The following SND1 variants were observed in gnomAD, a reference collection of about 807,000 sequenced individuals.
SND1 encodes the protein staphylococcal nuclease and tudor domain containing 1.
In SND1, 38 loss-of-function variants were observed where a neutral mutation model predicts 121.7. That is an observed-to-expected ratio of 0.31 (90% CI 0.24 to 0.41). The LOEUF is 0.41. SND1 is among the 10% of genes least tolerant of loss of function. The pLI is 1.00. For synonymous variants in SND1, 401 were observed against 447.4 expected, an observed-to-expected ratio of 0.90 and a Z score of 1.31; for missense variants, 868 against 1,184.6, an observed-to-expected ratio of 0.73 and a Z score of 3.92.
At chr7:128,026,961 A>G (rs1344341210) in intron 16 of SND1, 1 of 152,154 alleles carries the variant, frequency 6.6e-6, no homozygotes, top group East Asian at 1.9e-4. Flanking sequence ...TCTTTCCCCC[A>G]TCATACCTGT....
intron 10 of SND1, among the ~76,000 whole-genome samples, chr7:127,804,249 T>C (rs1458687563): frequency 6.6e-6 from 1 of 152,198 alleles, no homozygotes; most frequent in East Asian, 1.9e-4. Flanking sequence ...CAGATGTCAA[T>C]AGCTACTAGC....
chr7:127,998,021 C>T (rs1802718593), intron 16 of SND1: 1 of 523,578 alleles, frequency 1.9e-6, no homozygotes, highest in Non-Finnish European at 4.0e-6. Context: ...AGTCTCTCCC[C>T]ACTAGCTTGT....
chr7:127,750,983 T>TA (rs2116456202), intron 10 of SND1, among the ~76,000 whole-genome samples: 1 of 152,342 alleles, frequency 6.6e-6, no homozygotes, highest in East Asian at 1.9e-4. Flanking sequence ...CATGTAATGA[T>TA]AACCTGTATC....
intron 16 of SND1, among the ~76,000 whole-genome samples, chr7:128,008,568 G>C (rs1001314772): frequency 4.0e-5 from 6 of 151,764 alleles, no homozygotes; most frequent in Admixed American, 6.6e-5. Context: ...GAACTCCCTA[G>C]GTGGGACTCC....
intron 2 of SND1, among the ~76,000 whole-genome samples, chr7:127,692,991 A>G (rs1795947689): frequency 6.6e-6 from 1 of 152,206 alleles, no homozygotes; most frequent in Non-Finnish European, 1.5e-5. Context: ...GTTTTCACCA[A>G]AGTCTTGGCC....
chr7:128,005,381 C>G (rs1802939235), intron 16 of SND1, among the ~76,000 whole-genome samples: 1 of 152,206 alleles, frequency 6.6e-6, no homozygotes, highest in Non-Finnish European at 1.5e-5. Flanking sequence ...GAAATACATG[C>G]AGGCTTACAC....
intron 10 of SND1, among the ~76,000 whole-genome samples, chr7:127,739,738 C>T (rs6947779): frequency 0.24 from 36,098 of 152,120 alleles, 5,190 homozygotes; most frequent in African/African-American, 0.41. Flanking sequence ...ACTTGGTCCT[C>T]TTGCCCTGGA....
chr7:127,930,187 CAT>C lies in SND1; in HGVS notation c.1669+861_1669+862del, dbSNP rs1189901430. Among the ~76,000 whole-genome samples, 3 of 147,034 alleles carry C rather than the reference CAT, an allele frequency of 2.0e-5. No individual in the cohort carries two copies. The Admixed American group carries it at 2.0e-4, about 10-fold the overall frequency. ...CAAATATTCATTCACTTGCAAAAGA[CAT>C]ATCCCGCCGTGGTCCCCAGATGCAC... On this transcript the variant is annotated intron_variant, in intron 15 of 23. Coordinates refer to ENST00000354725, the MANE Select transcript of SND1 (RefSeq NM_014390.4).
chr7:127,843,164 T>C (rs894437609), intron 11 of SND1, among the ~76,000 whole-genome samples: 6 of 152,122 alleles, frequency 3.9e-5, no homozygotes, highest in African/African-American at 1.4e-4. Context: ...AGATTTCCCA[T>C]ATACCTTCTG....
rs1793678007 is a variant in SND1, at chr7:128,085,791, G to A, written c.2304+11G>A. ...ATTGACTACGGCAACGTGAGTGTTGGGGACCAGAGTGTTGGAGGGGCTATC... is the reference window on the plus strand; with the variant it reads ...ATTGACTACGGCAACGTGAGTGTTGAGGACCAGAGTGTTGGAGGGGCTATC... On this transcript the variant is annotated intron_variant, in intron 20 of 23. Coordinates refer to ENST00000354725, the MANE Select transcript of SND1 (RefSeq NM_014390.4). The surrounding 1 kb of genome is among the most constrained non-coding windows in gnomAD (Gnocchi z 4.4). 6.2e-7 allele frequency: 1 copy of A among 1,612,690 alleles called. No individual in the cohort carries two copies. The highest frequency in any genetic ancestry group is 1.1e-5 in the South Asian group (1 of 91,058).
chr7:127,845,133 A>G (rs572739418), intron 12 of SND1, among the ~76,000 whole-genome samples: 2 of 152,238 alleles, frequency 1.3e-5, no homozygotes, highest in Non-Finnish European at 2.9e-5. Context: ...TTAAGTGGGC[A>G]TATTGATGGG....
At chr7:127,923,970 C>T (rs183441726) in intron 14 of SND1, among the ~76,000 whole-genome samples, 217 of 145,668 alleles carry the variant, frequency 1.5e-3, no homozygotes, top group African/African-American at 4.4e-3. Context: ...CTTAACGATT[C>T]GTTCTGATCT....
chr7:127,853,270 C>G (rs1799207739), intron 12 of SND1, among the ~76,000 whole-genome samples: 1 of 152,168 alleles, frequency 6.6e-6, no homozygotes, highest in South Asian at 2.1e-4. Context: ...GCTGTGGCCA[C>G]ACGTCCATCT....
intron 15 of SND1, among the ~76,000 whole-genome samples, chr7:127,946,095 G>C (rs1415074663): frequency 4.6e-5 from 7 of 152,192 alleles, no homozygotes; most frequent in African/African-American, 1.4e-4. Context: ...CAAAAGCAAA[G>C]CATAAGAATG....
At chr7:127,811,180 C>T (rs1027295182) in intron 11 of SND1, among the ~76,000 whole-genome samples, 1 of 152,202 alleles carries the variant, frequency 6.6e-6, no homozygotes, top group African/African-American at 2.4e-5. Flanking sequence ...ACTAACCCAG[C>T]TCTTTTTAGG....
intron 13 of SND1, among the ~76,000 whole-genome samples, chr7:127,903,049 T>A (rs939737492): frequency 6.6e-6 from 1 of 151,856 alleles, no homozygotes; most frequent in Non-Finnish European, 1.5e-5. Context: ...ACCCAGCTAA[T>A]TTTTTTGTAT....
chr7:127,710,364 A>G (rs1392884974), intron 9 of SND1, among the ~76,000 whole-genome samples: 2 of 152,022 alleles, frequency 1.3e-5, no homozygotes, highest in East Asian at 3.9e-4. Context: ...GTCCTACTCA[A>G]AATGCCTTGA....
intron 16 of SND1, among the ~76,000 whole-genome samples, chr7:128,000,967 C>A (rs901603627): frequency 2.6e-5 from 4 of 152,246 alleles, no homozygotes; most frequent in Middle Eastern, 3.4e-3. Flanking sequence ...GATGAGCTGA[C>A]CTTTACCCTG....
chr7:127,772,830 C>T (rs1797539667), intron 10 of SND1, among the ~76,000 whole-genome samples: 1 of 152,208 alleles, frequency 6.6e-6, no homozygotes, highest in African/African-American at 2.4e-5. Context: ...CAGGAATCAT[C>T]TGTCACCAAA....
Sources: gnomAD v4.1 joint callset for allele counts (sites outside exome capture counted in the v4.1 genomes callset) on GRCh38, gnomAD v4.1.1 for gene constraint, Gnocchi (gnomAD v3.1) non-coding constraint, MANE v1.5 for transcripts, NCBI Gene and HGNC (gene_info 2026-07-23, HGNC 2026-07-21) for gene names.